FSTL4: variants seen among roughly 807,000 people sequenced by gnomAD.
FSTL4 encodes follistatin like 4.
FSTL4 carries 28 observed loss-of-function variants against 78.2 expected under a neutral mutation model. The observed-to-expected ratio is 0.36, with a 90% CI of 0.27 to 0.49. FSTL4 has a LOEUF of 0.49. Ranked by LOEUF, FSTL4 falls within the 20% of genes least tolerant of loss-of-function variation. The pLI, the probability that FSTL4 is intolerant of heterozygous loss-of-function variation, is 0.98. For missense variants in FSTL4, 922 were observed against 1,084.9 expected, an observed-to-expected ratio of 0.85 and a Z score of 2.11; for synonymous variants, 422 against 440.5, an observed-to-expected ratio of 0.96 and a Z score of 0.53.
At chr5:133,261,213 A>G (rs73279922) in intron 6 of FSTL4, among the ~76,000 whole-genome samples, 12,812 of 152,150 alleles carry the variant, frequency 0.084, 1,653 homozygotes, top group African/African-American at 0.28. Flanking sequence ...GGTTAATTCC[A>G]TGGTTCCCGA....
the FSTL4 span, among the ~76,000 whole-genome samples, chr5:133,835,352 G>A: frequency 6.6e-6 from 1 of 152,186 alleles, no homozygotes; most frequent in Non-Finnish European, 1.5e-5. Flanking sequence ...TGTTCTGTGT[G>A]TGAGCCTCAA....
chr5:133,700,136 C>A, the FSTL4 span, among the ~76,000 whole-genome samples: 1 of 152,046 alleles, frequency 6.6e-6, no homozygotes, highest in African/African-American at 2.4e-5. Context: ...ACCACCACAC[C>A]AAAACATCAC....
chr5:133,480,663 C>A (rs914196576), intron 3 of FSTL4, among the ~76,000 whole-genome samples: 5 of 151,832 alleles, frequency 3.3e-5, no homozygotes, highest in Non-Finnish European at 4.4e-5. Flanking sequence ...ATCTCCTCTG[C>A]CTCAATGTTT....
chr5:133,265,369 A>G (rs200200549), intron 6 of FSTL4, among the ~76,000 whole-genome samples: 1 of 152,180 alleles, frequency 6.6e-6, no homozygotes, highest in East Asian at 1.9e-4. Flanking sequence ...AAATATGCCC[A>G]GATCATCTCA....
At chr5:133,519,971 G>A (rs947945189) in intron 3 of FSTL4, among the ~76,000 whole-genome samples, 10 of 152,180 alleles carry the variant, frequency 6.6e-5, no homozygotes, top group African/African-American at 2.4e-4. Context: ...AGAGTAGACC[G>A]TGGGCAACTC....
At position 133,479,369 on chromosome 5, in the gene FSTL4, A is replaced by T. The variant is rs1757983776; in HGVS notation, c.161-78383T>A. Among the ~76,000 whole-genome samples, 4 of 152,378 alleles carry T rather than the reference A, an allele frequency of 2.6e-5. No individual in the cohort carries two copies. In the South Asian group the frequency reaches 8.3e-4, roughly 32 times the overall value. On this transcript the variant is annotated intron_variant, in intron 3 of 15. Coordinates refer to ENST00000265342, the MANE Select transcript of FSTL4 (RefSeq NM_015082.2). The stretch of plus-strand genomic sequence containing the variant: ...CAGCCAGACTCCACTGATGATGTCT[A>T]TACCGAGGCCGTAAGACTTCTCTAG...
At chr5:133,547,040 G>A (rs909142823) in intron 3 of FSTL4, among the ~76,000 whole-genome samples, 3 of 152,218 alleles carry the variant, frequency 2.0e-5, no homozygotes, top group Non-Finnish European at 4.4e-5. Context: ...GTAATGCCTA[G>A]TAGAGCCATG....
At chr5:133,252,839 C>A (rs1752293187) in intron 6 of FSTL4, among the ~76,000 whole-genome samples, 1 of 152,180 alleles carries the variant, frequency 6.6e-6, no homozygotes, top group South Asian at 2.1e-4. Flanking sequence ...AGACGGAAGT[C>A]TTCTGTGTCC....
At chr5:133,498,769 T>C (rs1396891648) in intron 3 of FSTL4, among the ~76,000 whole-genome samples, 2 of 151,126 alleles carry the variant, frequency 1.3e-5, no homozygotes, top group African/African-American at 4.9e-5. Context: ...CTTTCCAGAG[T>C]ACTTTTCAGT....
chr5:133,555,303 G>C (rs910363334), intron 3 of FSTL4, among the ~76,000 whole-genome samples: 1 of 152,186 alleles, frequency 6.6e-6, no homozygotes, highest in African/African-American at 2.4e-5. Flanking sequence ...TTCCCATTGG[G>C]TCTTAATTTG....
chr5:133,527,298 G>C (rs1471037376), intron 3 of FSTL4, among the ~76,000 whole-genome samples: 1 of 152,156 alleles, frequency 6.6e-6, no homozygotes, highest in Non-Finnish European at 1.5e-5. Flanking sequence ...ATTAGTCAAG[G>C]TTCCAAGAAG....
chr5:133,472,464 TA>T (rs755166908), intron 3 of FSTL4, among the ~76,000 whole-genome samples: 1 of 152,034 alleles, frequency 6.6e-6, no homozygotes, highest in Admixed American at 6.6e-5. Context: ...AAGGACTCCA[TA>T]AAAAACACAA....
intron 2 of FSTL4, among the ~76,000 whole-genome samples, chr5:133,567,818 G>A (rs1038570028): frequency 1.3e-5 from 2 of 152,198 alleles, no homozygotes; most frequent in African/African-American, 4.8e-5. Context: ...CTTTATTGAT[G>A]CTTACTATGC....
In FSTL4 at chr5:133,521,936, A is replaced by C. The variant is rs531886613; in HGVS notation, c.160+45250T>G. 5.9e-5 allele frequency among the ~76,000 whole-genome samples: 9 copies of C among 152,314 alleles called. No homozygotes were observed. The East Asian group carries it at 1.5e-3, about 26-fold the overall frequency. ...TAAACTGCAGGGTTGTCCCAAGAGC[A>C]CTGTGATGCAATTGAGAAGAGATGC... On this transcript the variant is annotated intron_variant, in intron 3 of 15. Coordinates refer to ENST00000265342, the MANE Select transcript of FSTL4 (RefSeq NM_015082.2).
the FSTL4 span, among the ~76,000 whole-genome samples, chr5:133,832,416 G>A: frequency 1.3e-5 from 2 of 152,150 alleles, no homozygotes; most frequent in Admixed American, 6.5e-5. Flanking sequence ...TTGCAGTTAT[G>A]AGAATAACCA....
intron 7 of FSTL4, among the ~76,000 whole-genome samples, chr5:133,233,971 C>T (rs868265675): frequency 1.6e-4 from 24 of 152,240 alleles, no homozygotes; most frequent in Admixed American, 5.2e-4. Context: ...AAGGGGCTAG[C>T]GAGCAGATAT....
chr5:133,218,277 A>G (rs1237778956), intron 12 of FSTL4, among the ~76,000 whole-genome samples: 1 of 152,138 alleles, frequency 6.6e-6, no homozygotes, highest in Non-Finnish European at 1.5e-5. Flanking sequence ...TACCTTCACA[A>G]TATATCCAGA....
chr5:133,409,056 T>C (rs2126978233), intron 3 of FSTL4, among the ~76,000 whole-genome samples: 1 of 152,318 alleles, frequency 6.6e-6, no homozygotes, highest in Admixed American at 6.5e-5. Context: ...CAAAATAGCA[T>C]GCTTCAAAAT....
At chr5:133,806,030 C>T in the FSTL4 span, among the ~76,000 whole-genome samples, 2 of 152,234 alleles carry the variant, frequency 1.3e-5, no homozygotes, top group Non-Finnish European at 2.9e-5. Flanking sequence ...GCTGGAATCA[C>T]CCCAGCCAAT....
Sources: allele counts gnomAD v4.1 joint callset (sites outside exome capture counted in the v4.1 genomes callset), GRCh38; gene constraint gnomAD v4.1.1; transcripts MANE v1.5; gene names NCBI Gene and HGNC (gene_info 2026-07-23, HGNC 2026-07-21).